The following TOM1 variants were observed in gnomAD, a reference collection of about 807,000 sequenced individuals.
The protein encoded by TOM1 is target of Myb protein 1.
TOM1 carries 38 observed loss-of-function variants against 61.3 expected under a neutral mutation model. The ratio of observed to expected loss-of-function variants is 0.62; its 90% CI spans 0.48 to 0.81. The LOEUF (loss-of-function observed/expected upper bound fraction) is 0.81. Among genes scored for constraint, TOM1 ranks in the 40% least tolerant of loss-of-function variants. The pLI, the probability that TOM1 is intolerant of heterozygous loss-of-function variation, is 0.00. For synonymous variants in TOM1, 270 were observed against 268.8 expected, an observed-to-expected ratio of 1.00 and a Z score of -0.04; for missense variants, 591 against 659.6, an observed-to-expected ratio of 0.90 and a Z score of 1.14.
intron 1 of TOM1, among the ~76,000 whole-genome samples, chr22:35,303,707 A>G (rs1926060152): frequency 6.6e-6 from 1 of 152,106 alleles, no homozygotes; most frequent in Admixed American, 6.6e-5. Flanking sequence ...CATGTTAGCC[A>G]AGCTGGTCTT....
chr22:35,334,239 A>C, intron 10 of TOM1, 89 bp from the exon 11 acceptor site: 1 of 1,521,624 alleles, frequency 6.6e-7, no homozygotes, highest in Non-Finnish European at 8.8e-7. Flanking sequence ...CCCCAGCACC[A>C]AGCCCTGGGT....
Position 35,299,905 on chromosome 22 carries a change from T to C in TOM1, c.-24T>C. The C allele has an allele frequency of 3.8e-6, 6 of 1,570,386 alleles. No homozygotes were observed. Among genetic ancestry groups the C allele is most frequent in the Non-Finnish European group, 5.2e-6 (6 of 1,156,422 alleles). On this transcript the variant is annotated 5_prime_UTR_variant, in exon 1 of 15. Coordinates refer to ENST00000449058, the MANE Select transcript of TOM1 (RefSeq NM_005488.3). Reference sequence around the variant, plus strand: ...GGTTGCTGTCAGCTGATTCCCGGGGTTGGTGGCAGCGGCGGTAGCAGCAAT... The same window carrying C: ...GGTTGCTGTCAGCTGATTCCCGGGGCTGGTGGCAGCGGCGGTAGCAGCAAT...
chr22:35,331,938 G>T (rs888387455), intron 8 of TOM1, among the ~76,000 whole-genome samples: 2 of 152,128 alleles, frequency 1.3e-5, no homozygotes, highest in Non-Finnish European at 2.9e-5. Context: ...TGCAGAAATT[G>T]TGTGCCCATC....
chr22:35,327,972 A>G (rs901237930), intron 7 of TOM1, among the ~76,000 whole-genome samples: 1 of 152,200 alleles, frequency 6.6e-6, no homozygotes, highest in Non-Finnish European at 1.5e-5. Flanking sequence ...CACCCTCCCC[A>G]TGGAGGCCAG....
chr22:35,303,131 A>AACACACACACACACACACACACACAC (rs138739), intron 1 of TOM1, among the ~76,000 whole-genome samples: 4 of 149,176 alleles, frequency 2.7e-5, no homozygotes, highest in African/African-American at 7.4e-5. Flanking sequence ...CTCCCCTCCC[A>AACACACACACACACACACACACACAC]ACACACACAC....
rs1458776315 is a variant in TOM1, at chr22:35,327,303, G to T, written c.681G>T (p.Val227=). The part of the protein sequence containing the change: ...IGKLRSELEM[V]SGNVRVMSEM... Reference sequence around the variant, plus strand: ...AGCTGCGCAGTGAGCTGGAGATGGTGAGTGGGAACGTGAGGGTGATGTCGG... The same window carrying T: ...AGCTGCGCAGTGAGCTGGAGATGGTTAGTGGGAACGTGAGGGTGATGTCGG... The change falls in exon 7 of 15, where the codon GTG becomes GTT. Residue 227 remains valine, a synonymous_variant. Coordinates refer to ENST00000449058, the MANE Select transcript of TOM1 (RefSeq NM_005488.3). 1 of 1,613,982 alleles carries T rather than the reference G, an allele frequency of 6.2e-7. No homozygotes were observed. Among genetic ancestry groups the T allele is most frequent in the Non-Finnish European group, 8.5e-7 (1 of 1,180,024 alleles).
intron 8 of TOM1, among the ~76,000 whole-genome samples, chr22:35,331,062 C>G (rs1201087243): frequency 6.6e-6 from 1 of 151,288 alleles, no homozygotes; most frequent in Non-Finnish European, 1.5e-5. Context: ...AATACATCAG[C>G]TCAAACACTT....
Position 35,299,983 on chromosome 22 carries a change from G to A in TOM1, c.52+3G>A. 6.4e-7 allele frequency: 1 copy of A among 1,569,440 alleles called. No individual in the cohort carries two copies. Among genetic ancestry groups the A allele is most frequent in the South Asian group, 1.2e-5 (1 of 85,846 alleles). ...CTCTCCAGTGGGACAGCGCATCGGTGAGTCCCTGGAGCCCCCCACAGCTCC... is the reference window on the plus strand; with the variant it reads ...CTCTCCAGTGGGACAGCGCATCGGTAAGTCCCTGGAGCCCCCCACAGCTCC... On this transcript the variant is annotated splice_donor_region_variant and intron_variant, in intron 1 of 14. Coordinates refer to ENST00000449058, the MANE Select transcript of TOM1 (RefSeq NM_005488.3).
At chr22:35,321,860 G>A in intron 2 of TOM1, 99 bp from the exon 3 acceptor site, 1 of 990,668 alleles carries the variant, frequency 1.0e-6, no homozygotes, top group East Asian at 2.4e-5. Flanking sequence ...GGGGCACAGG[G>A]AGGATGGGCC....
At position 35,299,904 on chromosome 22, in the gene TOM1, G is replaced by T. The variant is rs1300205352; in HGVS notation, c.-25G>T. 1.3e-6 allele frequency: 2 copies of T among 1,576,018 alleles called. No homozygotes were observed. Among genetic ancestry groups the T allele is most frequent in the Non-Finnish European group, 1.7e-6 (2 of 1,159,342 alleles). On this transcript the variant is annotated 5_prime_UTR_variant, in exon 1 of 15. Coordinates refer to ENST00000449058, the MANE Select transcript of TOM1 (RefSeq NM_005488.3). ...CGGTTGCTGTCAGCTGATTCCCGGG[G>T]TTGGTGGCAGCGGCGGTAGCAGCAA...
chr22:35,344,602 G>C (rs1322208068), intron 12 of TOM1: 5 of 152,270 alleles, frequency 3.3e-5, no homozygotes, highest in Non-Finnish European at 5.9e-5. Flanking sequence ...CACTGCTGCT[G>C]GGAAGTCGGC....
Position 35,321,991 on chromosome 22 carries a change from G to C in TOM1, c.170G>C (p.Arg57Thr). ...GATGCCCTCCGAGCAGTAAAGAAGA[G>C]AATCGTGGGGAATAAGAACTTCCAC... is the stretch of plus-strand genomic sequence containing the variant. ...PKDALRAVKK[R>T]IVGNKNFHEV... The change falls in exon 3 of 15, where the codon AGA becomes ACA. Residue 57 changes from arginine (R) to threonine (T), a missense_variant. Physicochemically the swap from Arg to Thr is moderately conservative, Grantham distance 71. Coordinates refer to ENST00000449058, the MANE Select transcript of TOM1 (RefSeq NM_005488.3). 6.2e-7 allele frequency: 1 copy of C among 1,614,182 alleles called. No individual in the cohort carries two copies. The highest frequency in any genetic ancestry group is 8.5e-7 in the Non-Finnish European group (1 of 1,180,018).
rs753861150 is a variant in TOM1, at chr22:35,345,735, C to T, written c.1235C>T (p.Thr412Ile). ...RQQSTGAIPV[T>I]QACLMEDIEQ... is the part of the protein sequence containing the mutation. ...TGCCCTTCCTTCCAGATCCCAGTCA[C>T]CCAGGCCTGCCTCATGGAGGACATC... Residue 412 changes from threonine (T) to isoleucine (I), a missense_variant, in exon 13 of 15, where the codon ACC becomes ATC. Coordinates refer to ENST00000449058, the MANE Select transcript of TOM1 (RefSeq NM_005488.3). The T allele has an allele frequency of 8.1e-6, 13 of 1,614,060 alleles. No individual in the cohort carries two copies. In the Admixed American group the frequency reaches 2.0e-4, roughly 25 times the overall value.
intron 12 of TOM1, among the ~76,000 whole-genome samples, chr22:35,341,381 G>A (rs1288231122): frequency 1.3e-5 from 2 of 152,154 alleles, no homozygotes; most frequent in Non-Finnish European, 2.9e-5. Flanking sequence ...CCCTGCCTAG[G>A]GTCTCGTAGG....
At chr22:35,345,901 G>A in intron 13 of TOM1, 117 bp downstream of exon 13, 3 of 1,118,192 alleles carry the variant, frequency 2.7e-6, no homozygotes, top group Middle Eastern at 2.0e-4. Context: ...GAGCAGAGGG[G>A]CACACTTAAA....
chr22:35,324,751 T>C (rs1177281558), intron 6 of TOM1, among the ~76,000 whole-genome samples: 1 of 152,158 alleles, frequency 6.6e-6, no homozygotes, highest in Non-Finnish European at 1.5e-5. Flanking sequence ...AGTTTCATCA[T>C]GTTGGCCAGG....
chr22:35,304,941 G>C (rs1307435113), intron 1 of TOM1, among the ~76,000 whole-genome samples: 1 of 152,246 alleles, frequency 6.6e-6, no homozygotes, highest in Non-Finnish European at 1.5e-5. Flanking sequence ...GAGCCTCAGT[G>C]GTTGGGGTGG....
chr22:35,344,030 T>TACACCTACATACACACCCTTAC (rs1930279968), intron 12 of TOM1, among the ~76,000 whole-genome samples: 1 of 147,352 alleles, frequency 6.8e-6, no homozygotes, highest in Non-Finnish European at 1.5e-5. Flanking sequence ...CCTACACTCA[T>TACACCTACATACACACCCTTAC]ACACCTACAT....
At chr22:35,322,905 AG>A in intron 3 of TOM1, 122 bp from the exon 4 acceptor site, 2 of 1,179,616 alleles carry the variant, frequency 1.7e-6, no homozygotes. Flanking sequence ...GTCTCACTCC[AG>A]GAAGTCCCAT....
Sources: allele counts gnomAD v4.1 joint callset (sites outside exome capture counted in the v4.1 genomes callset), GRCh38; gene constraint gnomAD v4.1.1; transcripts MANE v1.5; gene names NCBI Gene and HGNC (gene_info 2026-07-23, HGNC 2026-07-21).